DAB2IP: variants seen among roughly 807,000 people sequenced by gnomAD.
DAB2IP encodes DAB2 interacting protein.
In DAB2IP, 28 loss-of-function variants were observed where a neutral mutation model predicts 107.2. The observed-to-expected ratio is 0.26, with a 90% CI of 0.19 to 0.36. The LOEUF (loss-of-function observed/expected upper bound fraction) is 0.36. Among genes scored for constraint, DAB2IP ranks in the 10% least tolerant of loss-of-function variants. The probability of loss-of-function intolerance (pLI) is 1.00; values close to 1 mark genes in which losing one functional copy is unlikely to be tolerated. For missense variants in DAB2IP, 1,400 were observed against 1,644.7 expected, an observed-to-expected ratio of 0.85 and a Z score of 2.57; for synonymous variants, 755 against 706.4, an observed-to-expected ratio of 1.07 and a Z score of -1.09.
At chr9:121,594,177 A>G (rs764387093) in intron 1 of DAB2IP, among the ~76,000 whole-genome samples, 2 of 151,798 alleles carry the variant, frequency 1.3e-5, no homozygotes, top group Non-Finnish European at 2.9e-5. Flanking sequence ...AGAGGGATGT[A>G]GTAGCATGCT....
intron 2 of DAB2IP, among the ~76,000 whole-genome samples, chr9:121,693,409 C>A (rs904003273): frequency 7.2e-5 from 11 of 152,218 alleles, no homozygotes; most frequent in African/African-American, 2.4e-4. Flanking sequence ...CTCCTGGAGC[C>A]GAGAGAGGTG....
intron 1 of DAB2IP, among the ~76,000 whole-genome samples, chr9:121,628,888 G>A (rs1328523210): frequency 6.6e-6 from 1 of 152,182 alleles, no homozygotes; most frequent in Non-Finnish European, 1.5e-5. Context: ...TCAGTTACCT[G>A]GTCTGTAAAA....
At position 121,698,299 on chromosome 9, in the gene DAB2IP, G is replaced by C. The variant is rs1450488727; in HGVS notation, c.229-1026G>C. 1.3e-5 allele frequency among the ~76,000 whole-genome samples: 2 copies of C among 152,020 alleles called. No homozygotes were observed. The highest frequency in any genetic ancestry group is 2.9e-5 in the Non-Finnish European group (2 of 68,014). ...CAAGCTGCCTGTAGTTTCCAAGCCCGGCAGGACACAGGCTGTGTCCCCTGG... is the reference window on the plus strand; with the variant it reads ...CAAGCTGCCTGTAGTTTCCAAGCCCCGCAGGACACAGGCTGTGTCCCCTGG... On this transcript the variant is annotated intron_variant, in intron 2 of 15. Coordinates refer to ENST00000408936, the Ensembl canonical transcript of DAB2IP. This position sits in a 1 kb window ranked among gnomAD's most constrained non-coding sequence, Gnocchi z 4.1.
rs1463821768 is a variant in DAB2IP, at chr9:121,701,728, G to C, written c.362+2270G>C. On this transcript the variant is annotated intron_variant, in intron 3 of 15. Coordinates refer to ENST00000408936, the Ensembl canonical transcript of DAB2IP. The surrounding 1 kb of genome is among the most constrained non-coding windows in gnomAD (Gnocchi z 4.7). Reference sequence around the variant, plus strand: ...GCTGTCCCTGGAGTCATCCTATTTGGAGTTCAGTGAGTAAAAACAACTATG... The same window carrying C: ...GCTGTCCCTGGAGTCATCCTATTTGCAGTTCAGTGAGTAAAAACAACTATG... Among the ~76,000 whole-genome samples, 1 of 152,180 alleles carries C rather than the reference G, an allele frequency of 6.6e-6. No homozygotes were observed. Among genetic ancestry groups the C allele is most frequent in the Non-Finnish European group, 1.5e-5 (1 of 68,042 alleles).
In DAB2IP at chr9:121,781,554, G is replaced by A. The variant is rs967897954; in HGVS notation, c.3402+3G>A. The stretch of plus-strand genomic sequence containing the variant: ...AACAGAAGATCATTGATGCCCAGGT[G>A]GGGGCTCCGGCCCTTTGGTCAGCCA... On this transcript the variant is annotated splice_donor_region_variant and intron_variant, in intron 15 of 15. Coordinates refer to ENST00000408936, the Ensembl canonical transcript of DAB2IP. 2.5e-6 allele frequency: 4 copies of A among 1,613,598 alleles called. No individual in the cohort carries two copies. The highest frequency in any genetic ancestry group is 3.4e-6 in the Non-Finnish European group (4 of 1,179,948).
At chr9:121,608,493 A>T (rs976000551) in intron 1 of DAB2IP, among the ~76,000 whole-genome samples, 6 of 152,186 alleles carry the variant, frequency 3.9e-5, no homozygotes, top group Non-Finnish European at 8.8e-5. Flanking sequence ...AAGGCTCATG[A>T]TGGGCTTGGG....
intron 1 of DAB2IP, among the ~76,000 whole-genome samples, chr9:121,568,177 C>T (rs937972073): frequency 1.4e-4 from 22 of 152,284 alleles, no homozygotes; most frequent in Admixed American, 1.2e-3. Flanking sequence ...CTTGTTTCTC[C>T]GGACTTTCCC....
rs11792653 is a variant in DAB2IP, at chr9:121,659,366, A to G, written c.124+7467A>G. Among the ~76,000 whole-genome samples the G allele has an allele frequency of 2.4e-3, 373 of 152,324 alleles. 6 individuals are homozygous for G. The highest frequency in any genetic ancestry group is 1.6e-3 in the Non-Finnish European group (112 of 68,022). ...GCGTGTACAGAGTCCTGACTAGGTC[A>G]TAAATGCTGTGTGACTGCAGACAAG... is the stretch of plus-strand genomic sequence containing the variant. On this transcript the variant is annotated intron_variant, in intron 1 of 15. Transcript: ENST00000408936.
At chr9:121,768,354 G>T in intron 9 of DAB2IP, 78 bp from the exon 10 acceptor site, 1 of 1,466,148 alleles carries the variant, frequency 6.8e-7, no homozygotes, top group Non-Finnish European at 9.6e-7. Context: ...AAAGCGGGTG[G>T]TGGTGTCCCA....
intron 1 of DAB2IP, among the ~76,000 whole-genome samples, chr9:121,614,266 C>T (rs906034856): frequency 2.6e-5 from 4 of 151,920 alleles, no homozygotes; most frequent in Admixed American, 1.3e-4. Context: ...TAGCCTTGAC[C>T]TCCTTCTTGC....
chr9:121,727,982 A>G (rs1245288431), intron 3 of DAB2IP, among the ~76,000 whole-genome samples: 2 of 152,072 alleles, frequency 1.3e-5, no homozygotes, highest in East Asian at 1.9e-4. Flanking sequence ...TTGTAAGAAA[A>G]CAGTCCAGTT....
intron 3 of DAB2IP, among the ~76,000 whole-genome samples, chr9:121,755,205 C>G (rs1833391166): frequency 6.6e-6 from 1 of 152,192 alleles, no homozygotes; most frequent in Admixed American, 6.5e-5. Flanking sequence ...GGAGAAGAGG[C>G]CTGTTCCAAC....
intron 2 of DAB2IP, among the ~76,000 whole-genome samples, chr9:121,688,063 G>A (rs76045602): frequency 1.3e-5 from 2 of 152,060 alleles, no homozygotes; most frequent in Admixed American, 1.3e-4. Flanking sequence ...CCTGGGATAG[G>A]AGAGAACTGC....
At position 121,782,807 on chromosome 9, in the gene DAB2IP, G is replaced by A; in HGVS notation, c.*309G>A. 1 of 1,217,956 alleles carries A rather than the reference G, an allele frequency of 8.2e-7. No homozygotes were observed. Among genetic ancestry groups the A allele is most frequent in the African/African-American group, 1.5e-5 (1 of 65,178 alleles). 75.4% of individuals were successfully genotyped at this position (1,217,956 alleles called of 1,614,324 possible). A position where few individuals can be genotyped will look rare whatever the true frequency, so the allele number is the denominator to read the frequency against. On this transcript the variant is annotated 3_prime_UTR_variant, in exon 16 of 16. Coordinates refer to ENST00000408936, the Ensembl canonical transcript of DAB2IP. This position sits in a 1 kb window ranked among gnomAD's most constrained non-coding sequence, Gnocchi z 6.1. ...ATGTCTGTTGGTTCCTGAATGTGGT[G>A]TGTCCTTGTCCTCCTGGATCTGGCC... is the stretch of plus-strand genomic sequence containing the variant.
At chr9:121,577,020 T>C (rs944373552) in intron 1 of DAB2IP, among the ~76,000 whole-genome samples, 5 of 152,148 alleles carry the variant, frequency 3.3e-5, no homozygotes, top group African/African-American at 1.2e-4. Flanking sequence ...AAAGCAGTGC[T>C]CTGTTCTCCC....
chr9:121,595,963 G>A (rs560633743), intron 1 of DAB2IP, among the ~76,000 whole-genome samples: 8 of 152,206 alleles, frequency 5.3e-5, no homozygotes, highest in African/African-American at 7.2e-5. Context: ...GGGGCGGGAG[G>A]ATCGCTTGAG....
upstream of DAB2IP, among the ~76,000 whole-genome samples, chr9:121,647,452 C>T (rs1192850903): frequency 6.6e-6 from 1 of 152,200 alleles, no homozygotes; most frequent in East Asian, 1.9e-4. Flanking sequence ...TAGCCTCCCT[C>T]CCCTGCATCT....
At chr9:121,650,121 T>C (rs141085918), upstream of DAB2IP, among the ~76,000 whole-genome samples, 2 of 152,338 alleles carry the variant, frequency 1.3e-5, no homozygotes, top group African/African-American at 4.8e-5. Flanking sequence ...GCCAAAAGAT[T>C]GGGCACCCCT....
At chr9:121,655,129 G>A (rs909008162) in intron 1 of DAB2IP, among the ~76,000 whole-genome samples, 6 of 152,028 alleles carry the variant, frequency 3.9e-5, no homozygotes, top group African/African-American at 9.7e-5. Context: ...GGTAGAGCAC[G>A]AAGCTGGAGG....
Sources: gnomAD v4.1 joint callset for allele counts (sites outside exome capture counted in the v4.1 genomes callset) on GRCh38, gnomAD v4.1.1 for gene constraint, Gnocchi (gnomAD v3.1) non-coding constraint, MANE v1.5 for transcripts, NCBI Gene and HGNC (gene_info 2026-07-23, HGNC 2026-07-21) for gene names.